CAST: variants seen among roughly 807,000 people sequenced by gnomAD.
CAST encodes MIR583 host.
In CAST, 76 loss-of-function variants were observed where a neutral mutation model predicts 119.6. The ratio of observed to expected loss-of-function variants is 0.64; its 90% CI spans 0.53 to 0.77. The LOEUF (loss-of-function observed/expected upper bound fraction) is 0.77, where lower values mean the gene tolerates loss of function less well. Among genes scored for constraint, CAST ranks in the 30% least tolerant of loss-of-function variants. The probability of loss-of-function intolerance (pLI) is 0.00; values close to 1 mark genes in which losing one functional copy is unlikely to be tolerated. For missense variants in CAST, 953 were observed against 946.5 expected (o/e 1.01, Z -0.09); for synonymous variants, 319 against 331.6 (o/e 0.96, Z 0.41).
At chr5:96,297,286 A>G in the CAST span, among the ~76,000 whole-genome samples, 10 of 152,328 alleles carry the variant, frequency 6.6e-5, no homozygotes, top group Admixed American at 2.6e-4. Context: ...AAGGAACAAC[A>G]ACTGCTTTAT....
chr5:96,568,050 T>C (rs924815301), intron 1 of CAST, among the ~76,000 whole-genome samples: 2 of 152,150 alleles, frequency 1.3e-5, no homozygotes, highest in Non-Finnish European at 2.9e-5. Flanking sequence ...GGATTAAAAC[T>C]TCATCTAAAA....
chr5:96,304,206 A>T, the CAST span, among the ~76,000 whole-genome samples: 1 of 152,162 alleles, frequency 6.6e-6, no homozygotes, highest in East Asian at 1.9e-4. Flanking sequence ...ACAAGTGATG[A>T]TGAGCTTTTT....
chr5:96,102,102 T>A, the CAST span, among the ~76,000 whole-genome samples: 357 of 152,184 alleles, frequency 2.3e-3, 3 homozygotes, highest in South Asian at 0.016. Context: ...TTGTGTGGGG[T>A]GGCTGCCCTC....
chr5:96,748,549 T>A lies in CAST; in HGVS notation c.1364T>A (p.Leu455His), dbSNP rs1267686282. ...PRSESELIDE[L>H]SEDFDRSECK... ...AGTGAATCAGAACTCATTGATGAAC[T>A]TTCAGAAGATTTTGACCGGTCTGAA... Residue 455 changes from leucine to histidine, a missense_variant, in exon 19 of 32, where the codon CTT becomes CAT. Coordinates refer to ENST00000675179, the MANE Select transcript of CAST (RefSeq NM_001750.7). 1 of 1,582,590 alleles carries A rather than the reference T, an allele frequency of 6.3e-7. No homozygotes were observed. The highest frequency in any genetic ancestry group is 1.7e-5 in the Admixed American group (1 of 59,926).
At chr5:96,437,331 C>G in the CAST span, among the ~76,000 whole-genome samples, 1 of 152,064 alleles carries the variant, frequency 6.6e-6, no homozygotes, top group Admixed American at 6.5e-5. Context: ...AATAATTGAT[C>G]TTTTCTAATG....
At chr5:96,693,973 C>T (rs998817517) in intron 2 of CAST, among the ~76,000 whole-genome samples, 1 of 151,984 alleles carries the variant, frequency 6.6e-6, no homozygotes, top group African/African-American at 2.4e-5. Flanking sequence ...CCTGTGAGGC[C>T]CCCTAGAGTG....
the CAST span, among the ~76,000 whole-genome samples, chr5:96,276,212 C>T: frequency 1.3e-5 from 2 of 152,116 alleles, no homozygotes; most frequent in Admixed American, 6.6e-5. Context: ...AAGCCACCAG[C>T]GCAGAATAAG....
chr5:96,282,027 T>G, the CAST span, among the ~76,000 whole-genome samples: 1 of 152,160 alleles, frequency 6.6e-6, no homozygotes, highest in Non-Finnish European at 1.5e-5. Flanking sequence ...CCTATGTCCA[T>G]TGTTGAACGA....
rs1028566995 is a variant in CAST, at chr5:96,727,592, A to G, written c.378+62A>G. 1.9e-5 allele frequency: 21 copies of G among 1,084,740 alleles called. No homozygotes were observed. In the South Asian group the frequency reaches 1.9e-4, roughly 10 times the overall value. The allele number at this position is 1,084,740 out of a possible 1,614,324, so 67.2% of individuals were successfully genotyped here. On this transcript the variant is annotated intron_variant, in intron 6 of 31. Transcript: ENST00000675179. ...TCTTTTTAATAATAATGAATAATCA[A>G]CTTCCTGCCTTGGCACAGCTGTGAA... is the stretch of plus-strand genomic sequence containing the variant.
At chr5:96,517,526 C>T in the CAST span, among the ~76,000 whole-genome samples, 3 of 152,232 alleles carry the variant, frequency 2.0e-5, no homozygotes, top group Admixed American at 1.3e-4. Context: ...CATGTGAAAT[C>T]AGATATAGAG....
chr5:96,444,666 GTTC>G, the CAST span, among the ~76,000 whole-genome samples: 1 of 151,676 alleles, frequency 6.6e-6, no homozygotes, highest in Non-Finnish European at 1.5e-5. Flanking sequence ...ATTTCTTCCT[GTTC>G]TTCTCTCATG....
chr5:96,218,762 A>C, the CAST span, among the ~76,000 whole-genome samples: 1 of 152,240 alleles, frequency 6.6e-6, no homozygotes, highest in Non-Finnish European at 1.5e-5. Context: ...ATAGAAAGAC[A>C]AGTGAAAAGC....
At chr5:96,531,673 G>A (rs1454239792) in intron 1 of CAST, among the ~76,000 whole-genome samples, 1 of 152,022 alleles carries the variant, frequency 6.6e-6, no homozygotes, top group African/African-American at 2.4e-5. Context: ...AAAAGATCAA[G>A]ATAAATCAAC....
the CAST span, among the ~76,000 whole-genome samples, chr5:95,984,024 C>T: frequency 6.6e-6 from 1 of 152,182 alleles, no homozygotes; most frequent in Non-Finnish European, 1.5e-5. Flanking sequence ...ACCTATACTC[C>T]TGCCCCAACA....
At chr5:96,579,299 C>T (rs1197271883) in intron 1 of CAST, among the ~76,000 whole-genome samples, 1 of 152,150 alleles carries the variant, frequency 6.6e-6, no homozygotes, top group African/African-American at 2.4e-5. Flanking sequence ...AAAGAGGCTT[C>T]CAGAGGCCTG....
the CAST span, among the ~76,000 whole-genome samples, chr5:96,232,762 T>C: frequency 2.0e-5 from 3 of 152,050 alleles, no homozygotes; most frequent in Non-Finnish European, 4.4e-5. Flanking sequence ...AAACTTTATT[T>C]AAAGACATAA....
the CAST span, among the ~76,000 whole-genome samples, chr5:96,349,971 T>C: frequency 6.6e-6 from 1 of 152,128 alleles, no homozygotes; most frequent in Non-Finnish European, 1.5e-5. Flanking sequence ...GTAAACTAGA[T>C]AGATAACACA....
At chr5:96,049,818 T>C in the CAST span, among the ~76,000 whole-genome samples, 1 of 133,196 alleles carries the variant, frequency 7.5e-6, no homozygotes, top group Non-Finnish European at 1.5e-5. Context: ...GAAAATGTGC[T>C]CAGAGTAATG....
chr5:96,508,328 T>C, the CAST span, among the ~76,000 whole-genome samples: 6 of 152,106 alleles, frequency 3.9e-5, no homozygotes, highest in Non-Finnish European at 7.4e-5. Context: ...TCCTTCACAA[T>C]TGGATTGGCT....
Sources: gnomAD v4.1 joint callset for allele counts (sites outside exome capture counted in the v4.1 genomes callset) on GRCh38, gnomAD v4.1.1 for gene constraint, MANE v1.5 for transcripts, NCBI Gene and HGNC (gene_info 2026-07-23, HGNC 2026-07-21) for gene names.